LAMA2: variants seen among roughly 807,000 people sequenced by gnomAD.
LAMA2 encodes the protein laminin subunit alpha-2.
A neutral mutation model predicts 364.8 loss-of-function variants in LAMA2; 269 were observed. The ratio of observed to expected loss-of-function variants is 0.74; its 90% CI spans 0.67 to 0.82. The LOEUF is 0.82. Ranked by LOEUF, LAMA2 falls within the 40% of genes least tolerant of loss-of-function variation. The pLI is 0.00. For synonymous variants in LAMA2, 1,379 were observed against 1,370.6 expected (o/e 1.01, Z -0.14); for missense variants, 3,807 against 3,873.2 (o/e 0.98, Z 0.45).
intron 12 of LAMA2, among the ~76,000 whole-genome samples, chr6:129,222,043 C>T (rs1783890194): frequency 6.6e-6 from 1 of 151,776 alleles, no homozygotes; most frequent in African/African-American, 2.4e-5. Context: ...ATAATATAAA[C>T]ACAAAATTCA....
chr6:128,904,596 A>G (rs1179467244), intron 1 of LAMA2, among the ~76,000 whole-genome samples: 2 of 151,872 alleles, frequency 1.3e-5, no homozygotes, highest in Non-Finnish European at 2.9e-5. Flanking sequence ...CTGGGATTAC[A>G]GGCGAGCGCC....
intron 17 of LAMA2, among the ~76,000 whole-genome samples, chr6:129,277,807 G>A (rs981559775): frequency 9.2e-5 from 14 of 151,982 alleles, no homozygotes; most frequent in Middle Eastern, 3.2e-3. Flanking sequence ...TTTTTTTCTC[G>A]AAAAAGTGTT....
intron 58 of LAMA2, among the ~76,000 whole-genome samples, chr6:129,493,392 T>G (rs1264675872): frequency 1.3e-5 from 2 of 152,182 alleles, no homozygotes; most frequent in Non-Finnish European, 2.9e-5. Context: ...GTCCAATCTA[T>G]TTCTCAGTTT....
In LAMA2 at chr6:129,012,042, G is replaced by A. The variant is rs913337742; in HGVS notation, c.113-37876G>A. ...TCACCCTTGTGTTCCTTCTACTCAG[G>A]ACTCCATTGTAAATGCTCAGGATTA... On this transcript the variant is annotated intron_variant, in intron 1 of 64. Transcript: ENST00000421865. Among the ~76,000 whole-genome samples the A allele has an allele frequency of 3.3e-5, 5 of 152,100 alleles. No individual in the cohort carries two copies. In the South Asian group the frequency reaches 1.0e-3, roughly 32 times the overall value.
In LAMA2 at chr6:129,330,594, TTTTG is replaced by T. The variant is rs199659369; in HGVS notation, c.4311+2186_4311+2189del. On this transcript the variant is annotated intron_variant, in intron 29 of 64. Transcript: ENST00000421865. ...AAGCGTTTTTTTGTTGTTGTTTGGTTTTTGTTTTTTTTTTTTTTTTTCCCACTGT... is the reference window on the plus strand; with the variant it reads ...AAGCGTTTTTTTGTTGTTGTTTGGTTTTTTTTTTTTTTTTTTTCCCACTGT... Among the ~76,000 whole-genome samples the T allele has an allele frequency of 3.3e-4, 22 of 66,326 alleles. 1 individual carries two copies. The highest frequency in any genetic ancestry group is 4.1e-4 in the African/African-American group (7 of 17,194). 43.5% of individuals were successfully genotyped at this position (66,326 alleles called of 152,430 possible). A position where few individuals can be genotyped will look rare whatever the true frequency, so the allele number is the denominator to read the frequency against.
At chr6:129,443,849 A>C (rs1286951840) in intron 44 of LAMA2, among the ~76,000 whole-genome samples, 1 of 152,216 alleles carries the variant, frequency 6.6e-6, no homozygotes, top group Non-Finnish European at 1.5e-5. Context: ...GAGTGTCCTC[A>C]GCGGAAAATG....
chr6:129,262,728 A>G (rs538397299), intron 15 of LAMA2, among the ~76,000 whole-genome samples: 1 of 151,972 alleles, frequency 6.6e-6, no homozygotes, highest in South Asian at 2.1e-4. Flanking sequence ...TCATTATTTC[A>G]TTTGCTTTTC....
chr6:129,161,925 A>G (rs1432298396), intron 8 of LAMA2, among the ~76,000 whole-genome samples: 1 of 152,122 alleles, frequency 6.6e-6, no homozygotes, highest in African/African-American at 2.4e-5. Context: ...GGTTGATTCC[A>G]TGTCTTTGTT....
At chr6:129,064,702 A>G (rs1024331248) in intron 3 of LAMA2, among the ~76,000 whole-genome samples, 2 of 152,136 alleles carry the variant, frequency 1.3e-5, no homozygotes, top group Admixed American at 1.3e-4. Context: ...TAGACCTACT[A>G]ACACTGAATC....
At chr6:129,111,687 C>T (rs1361521086) in intron 4 of LAMA2, among the ~76,000 whole-genome samples, 1 of 151,996 alleles carries the variant, frequency 6.6e-6, no homozygotes, top group Non-Finnish European at 1.5e-5. Context: ...AATGGGAAAT[C>T]AGGCAAGTCC....
chr6:129,456,564 A>G (rs1782974668), intron 48 of LAMA2, 70 bp downstream of exon 48: 1 of 1,361,638 alleles, frequency 7.3e-7, no homozygotes, highest in Non-Finnish European at 1.1e-6. Context: ...ACTTCAGGAG[A>G]AGGTATGATA....
Position 129,271,464 on chromosome 6 carries a change from CTTTTTTTTTT to C in LAMA2, c.2450+727_2450+736del, listed in dbSNP as rs11287525. Among the ~76,000 whole-genome samples the C allele has an allele frequency of 8.8e-3, 710 of 80,290 alleles. 3 individuals are homozygous for C. Among genetic ancestry groups the C allele is most frequent in the Middle Eastern group, 0.024 (3 of 124 alleles). The allele number at this position is 80,290 out of a possible 152,430, so 52.7% of individuals were successfully genotyped here. On this transcript the variant is annotated intron_variant, in intron 17 of 64. Transcript: ENST00000421865. The stretch of plus-strand genomic sequence containing the variant: ...GTTGTTTTGTTTTTAAATTGGGATA[CTTTTTTTTTT>C]TTTTTTTTTTTTTGAGACAGAGTCT...
chr6:129,128,193 G>T (rs1777230230), intron 4 of LAMA2, among the ~76,000 whole-genome samples: 3 of 152,086 alleles, frequency 2.0e-5, no homozygotes, highest in Non-Finnish European at 2.9e-5. Flanking sequence ...GAAATAAGGG[G>T]CCAATTTTAT....
intron 55 of LAMA2, among the ~76,000 whole-genome samples, chr6:129,484,917 A>G (rs951867213): frequency 1.3e-5 from 2 of 152,180 alleles, no homozygotes; most frequent in African/African-American, 4.8e-5. Context: ...GTGTTAACGC[A>G]GCTTCATCGT....
intron 30 of LAMA2, among the ~76,000 whole-genome samples, chr6:129,343,437 C>G (rs944839349): frequency 2.0e-5 from 3 of 152,026 alleles, no homozygotes; most frequent in African/African-American, 7.2e-5. Context: ...GAATCACAAG[C>G]CTTTTACAGG....
intron 16 of LAMA2, 63 bp downstream of exon 16, chr6:129,267,282 C>T (rs1787592253): frequency 9.3e-7 from 1 of 1,079,916 alleles, no homozygotes; most frequent in Non-Finnish European, 1.4e-6. Flanking sequence ...ACAGATGCTA[C>T]AATTCAGCTA....
chr6:128,920,395 A>G (rs1161134603), intron 1 of LAMA2, among the ~76,000 whole-genome samples: 1 of 151,830 alleles, frequency 6.6e-6, no homozygotes, highest in Non-Finnish European at 1.5e-5. Flanking sequence ...CGACCTCGCA[A>G]TTCGCCCGCC....
At chr6:129,012,896 A>T (rs1784848924) in intron 1 of LAMA2, among the ~76,000 whole-genome samples, 1 of 152,202 alleles carries the variant, frequency 6.6e-6, no homozygotes, top group Non-Finnish European at 1.5e-5. Flanking sequence ...TGTCTTAAAT[A>T]GGGAGATGCT....
chr6:129,441,510 C>A (rs1782114350), intron 43 of LAMA2, among the ~76,000 whole-genome samples: 1 of 151,852 alleles, frequency 6.6e-6, no homozygotes, highest in South Asian at 2.1e-4. Context: ...AAAAATAAAG[C>A]ATTTATCTAG....
Sources: allele counts gnomAD v4.1 joint callset (sites outside exome capture counted in the v4.1 genomes callset), GRCh38; gene constraint gnomAD v4.1.1; transcripts MANE v1.5; gene names NCBI Gene and HGNC (gene_info 2026-07-23, HGNC 2026-07-21).